The following WWOX variants were observed in gnomAD, a reference collection of about 807,000 sequenced individuals.
WWOX encodes the protein WW domain containing oxidoreductase, also known as WW domain-containing oxidoreductase.
WWOX carries 69 observed loss-of-function variants against 46.2 expected under a neutral mutation model. The observed-to-expected ratio is 1.49, with a 90% CI of 1.23 to 1.82. WWOX has a LOEUF of 1.82. Among genes scored for constraint, WWOX ranks in the 40% most tolerant of loss-of-function variants. The pLI, the probability that WWOX is intolerant of heterozygous loss-of-function variation, is 0.00. For synonymous variants in WWOX, 359 were observed against 202.6 expected (o/e 1.77, Z -6.56); for missense variants, 919 against 542.6 (o/e 1.69, Z -6.89).
intron 8 of WWOX, among the ~76,000 whole-genome samples, chr16:78,806,333 C>T (rs993489180): frequency 3.3e-5 from 5 of 152,120 alleles, no homozygotes; most frequent in African/African-American, 4.8e-5. Context: ...TGACTATATT[C>T]CAGTAACAAT....
intron 6 of WWOX, among the ~76,000 whole-genome samples, chr16:78,392,223 C>G (rs2082191203): frequency 6.6e-6 from 1 of 151,992 alleles, no homozygotes; most frequent in Non-Finnish European, 1.5e-5. Context: ...CAGGTCCTCC[C>G]CCTGTCAGAT....
At chr16:78,667,443 G>C (rs1368970710) in intron 8 of WWOX, among the ~76,000 whole-genome samples, 2 of 151,980 alleles carry the variant, frequency 1.3e-5, no homozygotes, top group African/African-American at 2.4e-5. Flanking sequence ...GGCCGAGGCG[G>C]GTGGATCACA....
intron 8 of WWOX, among the ~76,000 whole-genome samples, chr16:78,627,282 G>A (rs777747510): frequency 3.9e-5 from 6 of 152,144 alleles, no homozygotes; most frequent in Non-Finnish European, 8.8e-5. Flanking sequence ...AACCTGATTG[G>A]CCAACTAGTC....
rs542965623 is a variant in WWOX, at chr16:78,718,354, A to G, written c.1056+285602A>G. ...TTGTGGTGCCAAAAAAATTTAAAAA[A>G]ACGACTAGCTCAGAAGTTATCATTG... On this transcript the variant is annotated intron_variant, in intron 8 of 8. Coordinates refer to ENST00000566780, the MANE Select transcript of WWOX (RefSeq NM_016373.4). Among the ~76,000 whole-genome samples, 13 of 151,976 alleles carry G rather than the reference A, an allele frequency of 8.6e-5. No individual in the cohort carries two copies. The East Asian group carries it at 2.3e-3, about 27-fold the overall frequency.
chr16:78,906,898 T>C (rs2044979784), intron 8 of WWOX, among the ~76,000 whole-genome samples: 1 of 152,224 alleles, frequency 6.6e-6, no homozygotes, highest in Non-Finnish European at 1.5e-5. Context: ...GTTGTGTGTG[T>C]GTGTCTGTGA....
At chr16:78,123,428 G>GTTTTTTTTTTTT (rs1330107026) in intron 4 of WWOX, 1 of 61,050 alleles carries the variant, frequency 1.6e-5, no homozygotes, top group African/African-American at 5.7e-5. Context: ...TTTTTTCTTT[G>GTTTTTTTTTTTT]TTTTTTGTTT....
At chr16:78,915,570 G>A (rs1005539101) in intron 8 of WWOX, among the ~76,000 whole-genome samples, 1 of 152,094 alleles carries the variant, frequency 6.6e-6, no homozygotes, top group Non-Finnish European at 1.5e-5. Flanking sequence ...TTAAAAAAAT[G>A]AAAAATTGCA....
chr16:78,383,532 C>A (rs918232153), intron 5 of WWOX, among the ~76,000 whole-genome samples: 5 of 152,136 alleles, frequency 3.3e-5, no homozygotes, highest in Non-Finnish European at 5.9e-5. Context: ...CAGCAGTTCA[C>A]CTCTCGAAAA....
At chr16:79,070,613 C>T (rs1008611305) in intron 8 of WWOX, among the ~76,000 whole-genome samples, 5 of 152,062 alleles carry the variant, frequency 3.3e-5, no homozygotes, top group Non-Finnish European at 7.4e-5. Flanking sequence ...TAGGCTGCTG[C>T]TAGGGAGGAA....
At chr16:78,475,193 T>C (rs1043075052) in intron 8 of WWOX, among the ~76,000 whole-genome samples, 1 of 152,204 alleles carries the variant, frequency 6.6e-6, no homozygotes, top group African/African-American at 2.4e-5. Flanking sequence ...AGAGTTCTGC[T>C]TTAGAAATCA....
intron 6 of WWOX, among the ~76,000 whole-genome samples, chr16:78,397,380 T>G (rs7198400): frequency 0.34 from 52,262 of 152,104 alleles, 11,770 homozygotes; most frequent in African/African-American, 0.59. Flanking sequence ...TTATAATGAC[T>G]CTAAGAGTGG....
At chr16:78,371,335 A>G (rs2081678934) in intron 5 of WWOX, among the ~76,000 whole-genome samples, 1 of 152,220 alleles carries the variant, frequency 6.6e-6, no homozygotes, top group African/African-American at 2.4e-5. Flanking sequence ...GCCTCACAGT[A>G]AAAAAGTGTA....
intron 8 of WWOX, among the ~76,000 whole-genome samples, chr16:78,528,165 A>ATTTTTTTTTTTTTTT (rs56803717): frequency 3.8e-4 from 22 of 58,396 alleles, no homozygotes; most frequent in African/African-American, 1.8e-3. Flanking sequence ...CACCTGGCTA[A>ATTTTTTTTTTTTTTT]TTTTTTTTTT....
intron 8 of WWOX, among the ~76,000 whole-genome samples, chr16:78,753,160 C>T (rs946231606): frequency 2.0e-5 from 3 of 151,942 alleles, no homozygotes; most frequent in Non-Finnish European, 4.4e-5. Flanking sequence ...ATTAGCCGGG[C>T]GTGGGGGCAG....
At chr16:78,172,603 T>C (rs1208667112) in intron 5 of WWOX, among the ~76,000 whole-genome samples, 1 of 152,032 alleles carries the variant, frequency 6.6e-6, no homozygotes, top group Non-Finnish European at 1.5e-5. Flanking sequence ...TTTTTTTTTT[T>C]TTCCTGGCCA....
At chr16:78,652,980 G>A (rs528092947) in intron 8 of WWOX, among the ~76,000 whole-genome samples, 10 of 152,238 alleles carry the variant, frequency 6.6e-5, no homozygotes, top group African/African-American at 1.7e-4. Flanking sequence ...GGTAGAAGGA[G>A]AAGAAAATGA....
intron 5 of WWOX, among the ~76,000 whole-genome samples, chr16:78,366,248 G>A (rs1178853159): frequency 6.6e-6 from 1 of 152,214 alleles, no homozygotes; most frequent in African/African-American, 2.4e-5. Flanking sequence ...TGTTATGTAC[G>A]AAGTGAAATA....
intron 8 of WWOX, among the ~76,000 whole-genome samples, chr16:78,474,152 G>A (rs1008133294): frequency 7.2e-5 from 11 of 152,152 alleles, no homozygotes; most frequent in Non-Finnish European, 1.6e-4. Flanking sequence ...GGATTGAAAT[G>A]GTTCTGCTGA....
chr16:78,671,079 C>G (rs2047452554), intron 8 of WWOX, among the ~76,000 whole-genome samples: 1 of 152,190 alleles, frequency 6.6e-6, no homozygotes, highest in Admixed American at 6.5e-5. Context: ...GGGACTCAGC[C>G]TGCAGACACT....
Sources: allele counts gnomAD v4.1 joint callset (sites outside exome capture counted in the v4.1 genomes callset), GRCh38; gene constraint gnomAD v4.1.1; transcripts MANE v1.5; gene names NCBI Gene and HGNC (gene_info 2026-07-23, HGNC 2026-07-21).